Variants in OSBPL8 observed in about 807,000 individuals in gnomAD.
OSBPL8 encodes oxysterol-binding protein-related protein 8.
A neutral mutation model predicts 125.5 loss-of-function variants in OSBPL8; 59 were observed. The observed-to-expected ratio is 0.47, with a 90% CI of 0.38 to 0.58. The LOEUF is 0.58. Ranked by LOEUF, OSBPL8 falls within the 20% of genes least tolerant of loss-of-function variation. The pLI, the probability that OSBPL8 is intolerant of heterozygous loss-of-function variation, is 0.00. For synonymous variants in OSBPL8, 330 were observed against 338.9 expected (o/e 0.97, Z 0.29); for missense variants, 758 against 1,047.8 (o/e 0.72, Z 3.82).
intron 4 of OSBPL8, among the ~76,000 whole-genome samples, chr12:76,429,243 C>T (rs945965871): frequency 2.7e-5 from 4 of 150,786 alleles, no homozygotes; most frequent in Admixed American, 6.6e-5. Flanking sequence ...AAGAAGTATA[C>T]GACCGTACTT....
rs1185590182 is a variant in OSBPL8, at chr12:76,354,196, TATC to T, written c.*1690_*1692del. On this transcript the variant is annotated 3_prime_UTR_variant, in exon 24 of 24. Coordinates refer to ENST00000261183, the MANE Select transcript of OSBPL8 (RefSeq NM_020841.5). Reference sequence around the variant, plus strand: ...ATAACCAAAAACCCATTTGTTCTAATATCATGAAAATACTGGGTATAGGTAGAT... The same window carrying T: ...ATAACCAAAAACCCATTTGTTCTAATATGAAAATACTGGGTATAGGTAGAT... 1 of 152,352 alleles carries T rather than the reference TATC, an allele frequency of 6.6e-6. No individual in the cohort carries two copies. The highest frequency in any genetic ancestry group is 1.5e-5 in the Non-Finnish European group (1 of 67,800). 9.4% of individuals were successfully genotyped at this position (152,352 alleles called of 1,614,324 possible). A position where few individuals can be genotyped will look rare whatever the true frequency, so the allele number is the denominator to read the frequency against.
At chr12:76,426,443 C>T (rs1410400029) in intron 4 of OSBPL8, among the ~76,000 whole-genome samples, 1 of 151,742 alleles carries the variant, frequency 6.6e-6, no homozygotes, top group Non-Finnish European at 1.5e-5. Flanking sequence ...AAGAAATAAC[C>T]ATAAATTGTC....
In OSBPL8 at chr12:76,352,702, A is replaced by T. The variant is rs1470866545; in HGVS notation, c.*3187T>A. ...TAATGCCATCATCACTGTATGTCAA[A>T]CAACCTCACTGCTTACTAGAAATGC... is the stretch of plus-strand genomic sequence containing the variant. On this transcript the variant is annotated 3_prime_UTR_variant, in exon 24 of 24. Transcript: ENST00000261183. The T allele has an allele frequency of 2.0e-5, 3 of 152,572 alleles. No individual in the cohort carries two copies. The highest frequency in any genetic ancestry group is 7.2e-5 in the African/African-American group (3 of 41,448). 9.5% of individuals were successfully genotyped at this position (152,572 alleles called of 1,614,324 possible). A position where few individuals can be genotyped will look rare whatever the true frequency, so the allele number is the denominator to read the frequency against.
intron 1 of OSBPL8, among the ~76,000 whole-genome samples, chr12:76,493,382 TTC>T (rs1457302972): frequency 6.6e-6 from 1 of 152,190 alleles, no homozygotes; most frequent in Non-Finnish European, 1.5e-5. Flanking sequence ...GTTTGAAGAA[TTC>T]TCTTTCATTT....
chr12:76,380,602 T>C (rs1246974494), intron 15 of OSBPL8, among the ~76,000 whole-genome samples: 1 of 152,072 alleles, frequency 6.6e-6, no homozygotes, highest in African/African-American at 2.4e-5. Flanking sequence ...TTTTCTTTTT[T>C]GACCATGCAT....
chr12:76,556,124 T>A (rs1279855273), intron 1 of OSBPL8, among the ~76,000 whole-genome samples: 1 of 152,230 alleles, frequency 6.6e-6, no homozygotes, highest in African/African-American at 2.4e-5. Flanking sequence ...GACTACATTA[T>A]CAGATACTCC....
At chr12:76,438,707 A>C (rs1565897684) in intron 4 of OSBPL8, among the ~76,000 whole-genome samples, 1 of 152,160 alleles carries the variant, frequency 6.6e-6, no homozygotes, top group Non-Finnish European at 1.5e-5. Context: ...AAATTTTCAA[A>C]TATGTTTTCT....
At chr12:76,386,335 A>C in intron 13 of OSBPL8, 69 bp from the exon 14 acceptor site, 1 of 1,516,416 alleles carries the variant, frequency 6.6e-7, no homozygotes, top group Non-Finnish European at 8.8e-7. Context: ...TAAACTAGTC[A>C]AAATGGGTTT....
chr12:76,454,854 A>T (rs564832361), intron 3 of OSBPL8, among the ~76,000 whole-genome samples: 76 of 144,732 alleles, frequency 5.3e-4, no homozygotes, highest in African/African-American at 1.6e-3. Context: ...AAAAAACAAT[A>T]AAAAAAAGAC....
chr12:76,464,925 A>G (rs1238837582), intron 2 of OSBPL8, among the ~76,000 whole-genome samples: 2 of 152,218 alleles, frequency 1.3e-5, no homozygotes, highest in African/African-American at 4.8e-5. Context: ...AGAGTGCTCT[A>G]TTTAGCGTTA....
intron 1 of OSBPL8, among the ~76,000 whole-genome samples, chr12:76,539,877 T>C (rs557026166): frequency 1.0e-3 from 152 of 152,284 alleles, no homozygotes; most frequent in African/African-American, 3.5e-3. Flanking sequence ...CAACCAAACA[T>C]AGACCCATAC....
At chr12:76,443,414 G>T (rs571092945) in intron 4 of OSBPL8, among the ~76,000 whole-genome samples, 85 of 152,246 alleles carry the variant, frequency 5.6e-4, no homozygotes, top group African/African-American at 1.9e-3. Context: ...CATGAGATGA[G>T]CTATAATTTA....
chr12:76,410,851 G>A (rs1954484796), intron 4 of OSBPL8, among the ~76,000 whole-genome samples: 2 of 152,238 alleles, frequency 1.3e-5, no homozygotes, highest in South Asian at 2.1e-4. Context: ...CACCAACATC[G>A]TGAAATATCT....
chr12:76,496,071 C>T (rs1879232958), intron 1 of OSBPL8, among the ~76,000 whole-genome samples: 1 of 152,138 alleles, frequency 6.6e-6, no homozygotes, highest in African/African-American at 2.4e-5. Context: ...CATTTTATTC[C>T]TTAGCCCATC....
rs1951873950 is a variant in OSBPL8, at chr12:76,352,978, A to G, written c.*2911T>C. On this transcript the variant is annotated 3_prime_UTR_variant, in exon 24 of 24. Coordinates refer to ENST00000261183, the MANE Select transcript of OSBPL8 (RefSeq NM_020841.5). ...TAAAAGATAGTATTATTGTTTAAAT[A>G]TACTATAGCTATATAAAAAGAAAGT... 6.6e-6 allele frequency: 1 copy of G among 152,494 alleles called. No individual in the cohort carries two copies. The highest frequency in any genetic ancestry group is 1.5e-5 in the Non-Finnish European group (1 of 67,908). 9.4% of individuals were successfully genotyped at this position (152,494 alleles called of 1,614,324 possible). A position where few individuals can be genotyped will look rare whatever the true frequency, so the allele number is the denominator to read the frequency against.
intron 2 of OSBPL8, among the ~76,000 whole-genome samples, chr12:76,485,288 A>G (rs964760362): frequency 1.3e-5 from 2 of 151,844 alleles, no homozygotes; most frequent in Non-Finnish European, 2.9e-5. Flanking sequence ...GTAAATGACT[A>G]AGACCGGGCG....
chr12:76,509,668 G>T (rs965335738), intron 1 of OSBPL8, among the ~76,000 whole-genome samples: 1 of 152,124 alleles, frequency 6.6e-6, no homozygotes, highest in Non-Finnish European at 1.5e-5. Context: ...GCAGAAAAAT[G>T]ATGATGATAA....
chr12:76,352,497 AT>A lies in OSBPL8; in HGVS notation c.*3391del, dbSNP rs1404428690. On this transcript the variant is annotated 3_prime_UTR_variant, in exon 24 of 24. Coordinates refer to ENST00000261183, the MANE Select transcript of OSBPL8 (RefSeq NM_020841.5). Reference sequence around the variant, plus strand: ...CAAATTACATAATGGCAGGTTATACATTTTAAAGAATCTCTTTCCACTTAGT... The same window carrying A: ...CAAATTACATAATGGCAGGTTATACATTTAAAGAATCTCTTTCCACTTAGT... 1 of 152,578 alleles carries A rather than the reference AT, an allele frequency of 6.6e-6. No individual in the cohort carries two copies. The highest frequency in any genetic ancestry group is 2.4e-5 in the African/African-American group (1 of 41,452). 9.5% of individuals were successfully genotyped at this position (152,578 alleles called of 1,614,324 possible).
At chr12:76,378,346 A>C in intron 16 of OSBPL8, 106 bp downstream of exon 16, 2 of 767,212 alleles carry the variant, frequency 2.6e-6, no homozygotes, top group East Asian at 5.2e-5. Flanking sequence ...CTTTCAAACA[A>C]AATGTAAGTC....
Sources: allele counts gnomAD v4.1 joint callset (sites outside exome capture counted in the v4.1 genomes callset), GRCh38; gene constraint gnomAD v4.1.1; transcripts MANE v1.5; gene names NCBI Gene and HGNC (gene_info 2026-07-23, HGNC 2026-07-21).